Variants in USP34 observed in about 807,000 individuals in gnomAD.
USP34 encodes the protein ubiquitin specific peptidase 34, also known as ubiquitin carboxyl-terminal hydrolase 34.
In USP34, 70 loss-of-function variants were observed where a neutral mutation model predicts 460.3. The observed-to-expected ratio is 0.15, with a 90% confidence interval of 0.13 to 0.19. USP34 has a LOEUF of 0.19. Ranked by LOEUF, USP34 falls within the 10% of genes least tolerant of loss-of-function variation. The probability of loss-of-function intolerance (pLI) is 1.00; values close to 1 mark genes in which losing one functional copy is unlikely to be tolerated. For missense variants in USP34, 3,985 were observed against 4,236.2 expected (o/e 0.94, Z 1.65); for synonymous variants, 1,647 against 1,405.3 (o/e 1.17, Z -3.85).
chr2:61,400,579 G>A (rs1372565999), intron 3 of USP34, among the ~76,000 whole-genome samples: 1 of 152,122 alleles, frequency 6.6e-6, no homozygotes, highest in African/African-American at 2.4e-5. Flanking sequence ...GACTGGGCGT[G>A]GCAGCTCATC....
At chr2:61,328,186 C>T (rs1288352258) in intron 20 of USP34, among the ~76,000 whole-genome samples, 1 of 151,642 alleles carries the variant, frequency 6.6e-6, no homozygotes, top group Non-Finnish European at 1.5e-5. Flanking sequence ...CCTGGATTCC[C>T]AGCTACTCGG....
intron 1 of USP34, among the ~76,000 whole-genome samples, chr2:61,457,118 T>C (rs1695463127): frequency 6.6e-6 from 1 of 151,444 alleles, no homozygotes; most frequent in Non-Finnish European, 1.5e-5. Context: ...TCTACAAAAA[T>C]TACAAAAATT....
intron 1 of USP34, among the ~76,000 whole-genome samples, chr2:61,447,899 A>G (rs1437629594): frequency 2.6e-5 from 4 of 152,170 alleles, no homozygotes; most frequent in Non-Finnish European, 5.9e-5. Flanking sequence ...TATTTTTAGT[A>G]GAGACAAGGT....
intron 10 of USP34, among the ~76,000 whole-genome samples, chr2:61,355,604 C>A (rs1572963194): frequency 6.6e-6 from 1 of 150,498 alleles, no homozygotes; most frequent in South Asian, 2.1e-4. Context: ...AACTGTTTCA[C>A]TACAAAAACA....
intron 58 of USP34, among the ~76,000 whole-genome samples, chr2:61,230,301 G>A (rs1687855168): frequency 6.6e-6 from 1 of 152,118 alleles, no homozygotes; most frequent in African/African-American, 2.4e-5. Flanking sequence ...AGGCTGTGGT[G>A]GATCACCTGA....
intron 20 of USP34, among the ~76,000 whole-genome samples, chr2:61,330,766 A>T (rs1691235453): frequency 6.6e-6 from 1 of 150,804 alleles, no homozygotes; most frequent in Non-Finnish European, 1.5e-5. Flanking sequence ...GTCCCAAATC[A>T]CTTGAATATA....
chr2:61,451,449 C>A (rs554973941), intron 1 of USP34, among the ~76,000 whole-genome samples: 2 of 151,910 alleles, frequency 1.3e-5, no homozygotes, highest in East Asian at 3.9e-4. Context: ...CTTCGGGAGG[C>A]CAAGGTGGGC....
intron 70 of USP34, chr2:61,208,373 G>A (rs981954331): frequency 1.3e-5 from 2 of 152,244 alleles, no homozygotes; most frequent in Non-Finnish European, 2.9e-5. Context: ...ACAGATTGAT[G>A]TCTCATGTCT....
intron 5 of USP34, among the ~76,000 whole-genome samples, chr2:61,390,223 T>C (rs1693300540): frequency 6.6e-6 from 1 of 152,224 alleles, no homozygotes; most frequent in South Asian, 2.1e-4. Flanking sequence ...AAACCCCTTG[T>C]CTCTATTGGA....
At chr2:61,199,526 G>A (rs1210230769) in intron 75 of USP34, among the ~76,000 whole-genome samples, 1 of 152,202 alleles carries the variant, frequency 6.6e-6, no homozygotes, top group Non-Finnish European at 1.5e-5. Context: ...AAAGTGCTGG[G>A]ATTATAGGCG....
chr2:61,345,738 G>A (rs1012111862), intron 15 of USP34, among the ~76,000 whole-genome samples: 5 of 152,200 alleles, frequency 3.3e-5, no homozygotes, highest in African/African-American at 9.6e-5. Context: ...GGACTCAAGC[G>A]ATCCTTCCAC....
At chr2:61,467,617 G>GTT (rs3980937) in intron 1 of USP34, among the ~76,000 whole-genome samples, 52,373 of 105,920 alleles carry the variant, frequency 0.49, 14,377 homozygotes, top group Middle Eastern at 0.56. Context: ...CTGTAACTTT[G>GTT]TTTTTTTTTT....
chr2:61,301,531 G>T, intron 27 of USP34, 77 bp from the exon 28 acceptor site: 1 of 1,238,268 alleles, frequency 8.1e-7, no homozygotes. Flanking sequence ...TGTAGTTGTA[G>T]CAATTAAACA....
At chr2:61,454,596 C>T (rs1478201866) in intron 1 of USP34, among the ~76,000 whole-genome samples, 4 of 152,130 alleles carry the variant, frequency 2.6e-5, no homozygotes, top group African/African-American at 9.7e-5. Flanking sequence ...GTCGCCCAGA[C>T]TACAGTGAAG....
At position 61,378,333 on chromosome 2, in the gene USP34, A is replaced by G. The variant is rs184844953; in HGVS notation, c.1076+30T>C. The G allele has an allele frequency of 5.5e-6, 8 of 1,446,064 alleles. No homozygotes were observed. The South Asian group carries it at 6.3e-5, about 11-fold the overall frequency. 89.6% of individuals were successfully genotyped at this position (1,446,064 alleles called of 1,614,324 possible). A position where few individuals can be genotyped will look rare whatever the true frequency, so the allele number is the denominator to read the frequency against. ...AAACAACTGTACATTAAAATGGTAT[A>G]CTTATATATAAATTAATGCTCCTAC... On this transcript the variant is annotated intron_variant, in intron 8 of 79. Coordinates refer to ENST00000398571, the MANE Select transcript of USP34 (RefSeq NM_014709.4).
intron 1 of USP34, among the ~76,000 whole-genome samples, chr2:61,443,042 T>C (rs1203807032): frequency 7.4e-6 from 1 of 135,016 alleles, no homozygotes; most frequent in Non-Finnish European, 1.6e-5. Flanking sequence ...GAGCAGAAAG[T>C]TAAACACCAT....
intron 29 of USP34, among the ~76,000 whole-genome samples, chr2:61,297,610 AT>A (rs1390479132): frequency 7.9e-5 from 12 of 152,346 alleles, no homozygotes; most frequent in East Asian, 5.8e-4. Flanking sequence ...CGGAGTATAA[AT>A]TTATTACTAC....
At chr2:61,304,427 T>G (rs1018855641) in intron 27 of USP34, among the ~76,000 whole-genome samples, 8 of 152,184 alleles carry the variant, frequency 5.3e-5, no homozygotes, top group Non-Finnish European at 8.8e-5. Flanking sequence ...GTGTTATGGT[T>G]TGAATATAAG....
In USP34 at chr2:61,190,604, C is replaced by G; in HGVS notation, c.9643G>C (p.Glu3215Gln). The G allele has an allele frequency of 6.2e-7, 1 of 1,614,004 alleles. No homozygotes were observed. Among genetic ancestry groups the G allele is most frequent in the African/African-American group, 1.3e-5 (1 of 75,032 alleles). The change falls in exon 77 of 80, where the codon GAA (glutamate) becomes CAA (glutamine). Residue 3215 changes from glutamate to glutamine, a missense_variant. Coordinates refer to ENST00000398571, the MANE Select transcript of USP34 (RefSeq NM_014709.4). ...TCCATTAGGATACATTTAATATATT[C>G]TGCGAAAACAGGATCTTCACACAAA... Reference protein sequence around the residue: ...KLLCEDPVFAEYIKCILMDER... With the variant: ...KLLCEDPVFAQYIKCILMDER...
Sources: allele counts gnomAD v4.1 joint callset (sites outside exome capture counted in the v4.1 genomes callset), GRCh38; gene constraint gnomAD v4.1.1; transcripts MANE v1.5; gene names NCBI Gene and HGNC (gene_info 2026-07-23, HGNC 2026-07-21).